CSMD1: variants seen among roughly 807,000 people sequenced by gnomAD.
CSMD1 encodes CUB and Sushi multiple domains 1, also known as CUB and sushi domain-containing protein 1.
In CSMD1, 213 loss-of-function variants were observed where a neutral mutation model predicts 417.5. The ratio of observed to expected loss-of-function variants is 0.51; its 90% CI spans 0.46 to 0.57. The LOEUF (loss-of-function observed/expected upper bound fraction) is 0.57, where lower values mean the gene tolerates loss of function less well. Ranked by LOEUF, CSMD1 falls within the 20% of genes least tolerant of loss-of-function variation. CSMD1 has a pLI of 0.00. For synonymous variants in CSMD1, 2,862 were observed against 1,736.8 expected (o/e 1.65, Z -16.11); for missense variants, 6,923 against 4,529.7 (o/e 1.53, Z -15.17).
chr8:3,689,946 A>C (rs537440846), intron 7 of CSMD1, among the ~76,000 whole-genome samples: 11 of 152,368 alleles, frequency 7.2e-5, no homozygotes, highest in Non-Finnish European at 1.3e-4. Flanking sequence ...AAGTAGTAAA[A>C]GTGCTATACA....
chr8:3,565,334 T>G (rs1412377558), intron 10 of CSMD1, among the ~76,000 whole-genome samples: 2 of 132,790 alleles, frequency 1.5e-5, no homozygotes, highest in African/African-American at 4.2e-5. Flanking sequence ...AACAGGGCAG[T>G]TGGTGGAGCC....
At chr8:4,443,397 G>C (rs1268638156) in intron 2 of CSMD1, among the ~76,000 whole-genome samples, 5 of 152,134 alleles carry the variant, frequency 3.3e-5, no homozygotes, top group Non-Finnish European at 7.4e-5. Flanking sequence ...ACAAAACACA[G>C]TTCCAAGAAA....
At chr8:3,684,519 T>C (rs1180889711) in intron 7 of CSMD1, among the ~76,000 whole-genome samples, 2 of 151,520 alleles carry the variant, frequency 1.3e-5, no homozygotes, top group Non-Finnish European at 2.9e-5. Flanking sequence ...TTATCTTTTT[T>C]ACTGGCCATC....
intron 16 of CSMD1, among the ~76,000 whole-genome samples, chr8:3,396,613 T>C (rs987298757): frequency 3.3e-5 from 5 of 152,144 alleles, no homozygotes; most frequent in Admixed American, 1.3e-4. Context: ...TCTTACAATA[T>C]TACAGACACA....
intron 5 of CSMD1, among the ~76,000 whole-genome samples, chr8:3,978,135 C>T (rs1051233825): frequency 2.0e-5 from 3 of 152,116 alleles, no homozygotes; most frequent in Admixed American, 1.3e-4. Context: ...GCAAGCCCTG[C>T]CCTCAAGAGA....
At chr8:4,054,135 T>G (rs1370752532) in intron 3 of CSMD1, among the ~76,000 whole-genome samples, 1 of 152,166 alleles carries the variant, frequency 6.6e-6, no homozygotes, top group Non-Finnish European at 1.5e-5. Flanking sequence ...TCCACTTTTT[T>G]CTATGTAAGT....
chr8:3,670,193 C>G (rs978997101), intron 7 of CSMD1, among the ~76,000 whole-genome samples: 1 of 151,930 alleles, frequency 6.6e-6, no homozygotes, highest in Non-Finnish European at 1.5e-5. Flanking sequence ...TACACTTAAT[C>G]TGGGTGGGTA....
rs374509912 is a variant in CSMD1, at chr8:3,903,915, C to G, written c.818+93988G>C. The stretch of plus-strand genomic sequence containing the variant: ...CTCCACAGGACACGTGGCACACTAC[C>G]ATGTACCTCTTTGGTTCACTATTTG... On this transcript the variant is annotated intron_variant, in intron 5 of 69. Transcript: ENST00000635120. Among the ~76,000 whole-genome samples, 255 of 152,152 alleles carry G rather than the reference C, an allele frequency of 1.7e-3. 2 individuals carry two copies. Among genetic ancestry groups the G allele is most frequent in the Middle Eastern group, 6.8e-3 (2 of 294 alleles).
chr8:4,538,073 G>A (rs1168615668), intron 2 of CSMD1, among the ~76,000 whole-genome samples: 2 of 151,942 alleles, frequency 1.3e-5, no homozygotes, highest in Admixed American at 6.6e-5. Context: ...CAATAATTCT[G>A]GAGACATTTT....
intron 3 of CSMD1, among the ~76,000 whole-genome samples, chr8:4,157,705 C>A (rs533299312): frequency 1.3e-5 from 2 of 152,334 alleles, no homozygotes; most frequent in East Asian, 1.9e-4. Context: ...TTGGGTGGGT[C>A]TGCACAGTTG....
intron 23 of CSMD1, among the ~76,000 whole-genome samples, chr8:3,340,252 A>G (rs1807559171): frequency 6.6e-6 from 1 of 152,220 alleles, no homozygotes. Context: ...TAATTCATAA[A>G]GAAGAGTAGA....
At chr8:4,168,977 C>A (rs1336701822) in intron 3 of CSMD1, among the ~76,000 whole-genome samples, 1 of 152,092 alleles carries the variant, frequency 6.6e-6, no homozygotes, top group Non-Finnish European at 1.5e-5. Context: ...TCAGGCCGTT[C>A]TCCTCATTTT....
chr8:3,997,540 A>C (rs1454923161), intron 5 of CSMD1, among the ~76,000 whole-genome samples: 1 of 152,202 alleles, frequency 6.6e-6, no homozygotes, highest in Non-Finnish European at 1.5e-5. Flanking sequence ...AATTCTCGCT[A>C]ACGTGAGATA....
In CSMD1 at chr8:3,448,345, G is replaced by GGAAGGA. The variant is rs1585179490; in HGVS notation, c.1561+20366_1561+20367insTCCTTC. On this transcript the variant is annotated intron_variant, in intron 12 of 69. Transcript: ENST00000635120. ...GAAGGGAGCAAGGGAGGGAGGGAGG[G>GGAAGGA]AGGAAGGAAGAAGGAAGAAGGGAGG... Among the ~76,000 whole-genome samples the GGAAGGA allele has an allele frequency of 2.9e-3, 8 of 2,732 alleles. 1 individual carries two copies. Among genetic ancestry groups the GGAAGGA allele is most frequent in the East Asian group, 0.029 (1 of 34 alleles). 1.8% of individuals were successfully genotyped at this position (2,732 alleles called of 152,430 possible). A position where few individuals can be genotyped will look rare whatever the true frequency, so the allele number is the denominator to read the frequency against.
chr8:3,452,638 G>T (rs571901645), intron 12 of CSMD1, among the ~76,000 whole-genome samples: 1 of 152,294 alleles, frequency 6.6e-6, no homozygotes, highest in South Asian at 2.1e-4. Context: ...TGGGTATGTT[G>T]AATCAGCCTT....
At chr8:4,507,304 T>G (rs182481092) in intron 2 of CSMD1, among the ~76,000 whole-genome samples, 164 of 152,322 alleles carry the variant, frequency 1.1e-3, no homozygotes, top group Middle Eastern at 3.4e-3. Flanking sequence ...GCTCAGCACT[T>G]ACCTTGTAAA....
intron 3 of CSMD1, among the ~76,000 whole-genome samples, chr8:4,360,741 A>G (rs904693441): frequency 1.3e-5 from 2 of 151,388 alleles, no homozygotes; most frequent in African/African-American, 4.8e-5. Context: ...TGATCCGCCT[A>G]CCTCGGCCTC....
chr8:4,949,905 C>G (rs567755072), intron 1 of CSMD1, among the ~76,000 whole-genome samples: 28 of 124,376 alleles, frequency 2.3e-4, no homozygotes, highest in African/African-American at 7.7e-4. Context: ...TACTTTTGCA[C>G]CAACTTGAGT....
At chr8:4,467,255 C>G (rs1800237223) in intron 2 of CSMD1, among the ~76,000 whole-genome samples, 1 of 152,076 alleles carries the variant, frequency 6.6e-6, no homozygotes, top group Non-Finnish European at 1.5e-5. Flanking sequence ...AGCTAAGAAT[C>G]TACTTCAATT....
Sources: allele counts gnomAD v4.1 joint callset (sites outside exome capture counted in the v4.1 genomes callset), GRCh38; gene constraint gnomAD v4.1.1; transcripts MANE v1.5; gene names NCBI Gene and HGNC (gene_info 2026-07-23, HGNC 2026-07-21).